DYNC2H1: variants seen among roughly 807,000 people sequenced by gnomAD.
The protein encoded by DYNC2H1 is dynein cytoplasmic 2 heavy chain 1.
A neutral mutation model predicts 570.0 loss-of-function variants in DYNC2H1; 410 were observed. The observed-to-expected ratio is 0.72, with a 90% CI of 0.66 to 0.78. The LOEUF is 0.78. Among genes scored for constraint, DYNC2H1 ranks in the 30% least tolerant of loss-of-function variants. DYNC2H1 has a pLI of 0.00. For synonymous variants in DYNC2H1, 1,688 were observed against 1,677.6 expected (o/e 1.01, Z -0.15); for missense variants, 4,865 against 5,046.4 (o/e 0.96, Z 1.09).
chr11:103,364,326 AT>A (rs34285412), intron 83 of DYNC2H1, among the ~76,000 whole-genome samples: 71,849 of 147,940 alleles, frequency 0.49, 18,732 homozygotes, highest in Admixed American at 0.59. Flanking sequence ...CCTTTTGATG[AT>A]TTTTTTTTTT....
In DYNC2H1 at chr11:103,153,231, TAGAA is replaced by T; in HGVS notation, c.3097-66_3097-63del. 8 of 1,315,856 alleles carry T rather than the reference TAGAA, an allele frequency of 6.1e-6. No homozygotes were observed. In the South Asian group the frequency reaches 9.5e-5, roughly 16 times the overall value. The allele number at this position is 1,315,856 out of a possible 1,614,324, so 81.5% of individuals were successfully genotyped here. ...TTTTTCACTTTTAAATAGAAAATAT[TAGAA>T]AGAAAAGTATGAACCCAAAATGAAA... On this transcript the variant is annotated intron_variant, in intron 21 of 88. Transcript: ENST00000375735.
In DYNC2H1 at chr11:103,149,102, C is replaced by T. The variant is rs568045806; in HGVS notation, c.2946+485C>T. Among the ~76,000 whole-genome samples, 73 of 152,176 alleles carry T rather than the reference C, an allele frequency of 4.8e-4. No individual in the cohort carries two copies. In the Middle Eastern group the frequency reaches 0.024, roughly 50 times the overall value. ...TAAATAAATAAATAGACTTTCGATG[C>T]ACTATTGGTGTAATGAAACAGTAAT... On this transcript the variant is annotated intron_variant, in intron 20 of 88. Coordinates refer to ENST00000375735, the MANE Select transcript of DYNC2H1 (RefSeq NM_001377.3).
chr11:103,167,551 A>C (rs1231260279), intron 31 of DYNC2H1, among the ~76,000 whole-genome samples: 2 of 152,134 alleles, frequency 1.3e-5, no homozygotes, highest in Non-Finnish European at 2.9e-5. Context: ...TACAGGCATG[A>C]GCCTCTTTGC....
chr11:103,353,307 C>CA (rs1167271974), intron 82 of DYNC2H1, among the ~76,000 whole-genome samples: 3 of 152,024 alleles, frequency 2.0e-5, no homozygotes, highest in African/African-American at 7.2e-5. Context: ...ATTTTTTTTA[C>CA]AAAAAATGAT....
chr11:103,199,940 A>C lies in DYNC2H1; in HGVS notation c.8089-106A>C, dbSNP rs1862650127. The C allele has an allele frequency of 7.0e-6, 5 of 714,736 alleles. No individual in the cohort carries two copies. Among genetic ancestry groups the C allele is most frequent in the African/African-American group, 5.6e-5 (3 of 53,282 alleles). 44.3% of individuals were successfully genotyped at this position (714,736 alleles called of 1,614,324 possible). On this transcript the variant is annotated intron_variant, in intron 49 of 88. Coordinates refer to ENST00000375735, the MANE Select transcript of DYNC2H1 (RefSeq NM_001377.3). This position sits in a 1 kb window ranked among gnomAD's most constrained non-coding sequence, Gnocchi z 4.6. ...TATTAAAATGGAAATAAATGAATAA[A>C]TAAACACATGATACTGGCATACTTT...
intron 83 of DYNC2H1, among the ~76,000 whole-genome samples, chr11:103,364,229 T>A (rs1269521532): frequency 6.6e-6 from 1 of 152,062 alleles, no homozygotes; most frequent in Non-Finnish European, 1.5e-5. Context: ...AATTTAAGAA[T>A]CTTAATAAAT....
At chr11:103,172,344 A>G (rs1370307482) in intron 34 of DYNC2H1, among the ~76,000 whole-genome samples, 1 of 152,062 alleles carries the variant, frequency 6.6e-6, no homozygotes, top group African/African-American at 2.4e-5. Flanking sequence ...CTTGTGCTAT[A>G]GCTTCAGTCT....
At chr11:103,370,251 A>G (rs1941092101) in intron 83 of DYNC2H1, among the ~76,000 whole-genome samples, 1 of 152,242 alleles carries the variant, frequency 6.6e-6, no homozygotes. Flanking sequence ...GGGAAGGAAG[A>G]AAGGAGAAGG....
intron 84 of DYNC2H1, among the ~76,000 whole-genome samples, chr11:103,433,990 T>A (rs1315709792): frequency 6.6e-6 from 1 of 152,136 alleles, no homozygotes; most frequent in Non-Finnish European, 1.5e-5. Context: ...ATGTTTCCCG[T>A]TCCTTTATTA....
Position 103,234,040 on chromosome 11 carries a change from G to A in DYNC2H1, c.9447G>A (p.Gln3149=). The stretch of plus-strand genomic sequence containing the variant: ...AATTTTAATGTTTACATAGATTTCA[G>A]AGCAGGACTTCAGAAGCTGCCAAAC... ...QKVSELKEKF[Q]SRTSEAAKLE... Residue 3149 remains glutamine (Q), a synonymous_variant, in exon 61 of 89, where the codon CAG becomes CAA. Coordinates refer to ENST00000375735, the MANE Select transcript of DYNC2H1 (RefSeq NM_001377.3). 6.4e-7 allele frequency: 1 copy of A among 1,554,208 alleles called. No homozygotes were observed. The highest frequency in any genetic ancestry group is 8.7e-7 in the Non-Finnish European group (1 of 1,148,102).
chr11:103,144,023 CAT>C (rs1860108058), intron 18 of DYNC2H1, among the ~76,000 whole-genome samples: 1 of 152,150 alleles, frequency 6.6e-6, no homozygotes, highest in East Asian at 1.9e-4. Context: ...ACTTAGTGCA[CAT>C]TTATAAAATG....
intron 15 of DYNC2H1, among the ~76,000 whole-genome samples, 158 bp from the exon 16 acceptor site, chr11:103,135,337 T>G (rs953727345): frequency 5.9e-5 from 9 of 152,202 alleles, no homozygotes; most frequent in African/African-American, 2.2e-4. Flanking sequence ...AATAAACTTA[T>G]ACGGAGAGTA....
At chr11:103,434,107 A>T (rs183500345) in intron 84 of DYNC2H1, among the ~76,000 whole-genome samples, 1 of 152,176 alleles carries the variant, frequency 6.6e-6, no homozygotes, top group Non-Finnish European at 1.5e-5. Flanking sequence ...GATGTAGCTC[A>T]TGTTTGCAGC....
intron 47 of DYNC2H1, among the ~76,000 whole-genome samples, chr11:103,196,500 A>G (rs1477462703): frequency 6.6e-6 from 1 of 152,166 alleles, no homozygotes; most frequent in Non-Finnish European, 1.5e-5. Flanking sequence ...AGCAATTGGA[A>G]GTACAGGACT....
chr11:103,133,724 A>G lies in DYNC2H1; in HGVS notation c.2106+17A>G. The G allele has an allele frequency of 6.4e-7, 1 of 1,557,814 alleles. No individual in the cohort carries two copies. Among genetic ancestry groups the G allele is most frequent in the South Asian group, 1.2e-5 (1 of 82,686 alleles). ...TGTGAAAAGGTATATTTTGTTTATAAAATTGAATAAGCTATGAATGATATT... is the reference window on the plus strand; with the variant it reads ...TGTGAAAAGGTATATTTTGTTTATAGAATTGAATAAGCTATGAATGATATT... On this transcript the variant is annotated intron_variant, in intron 14 of 88. Coordinates refer to ENST00000375735, the MANE Select transcript of DYNC2H1 (RefSeq NM_001377.3). This position sits in a 1 kb window ranked among gnomAD's most constrained non-coding sequence, Gnocchi z 4.8.
At chr11:103,400,915 GTC>G (rs1565565221) in intron 84 of DYNC2H1, among the ~76,000 whole-genome samples, 1 of 151,926 alleles carries the variant, frequency 6.6e-6, no homozygotes, top group Admixed American at 6.6e-5. Context: ...ATACATTGCC[GTC>G]TCTGTTAATC....
At chr11:103,403,974 TCAGA>T (rs1942754479) in intron 84 of DYNC2H1, 1 of 151,968 alleles carries the variant, frequency 6.6e-6, no homozygotes, top group Non-Finnish European at 1.5e-5. Flanking sequence ...GTGAGATAGT[TCAGA>T]CAGTCTCGAT....
At chr11:103,385,219 G>C (rs748361149) in intron 83 of DYNC2H1, among the ~76,000 whole-genome samples, 4 of 151,910 alleles carry the variant, frequency 2.6e-5, no homozygotes, top group South Asian at 4.2e-4. Flanking sequence ...TAGTGGTGTT[G>C]ATCAGTACTA....
chr11:103,117,986 A>G, intron 6 of DYNC2H1, 123 bp downstream of exon 6: 2 of 774,262 alleles, frequency 2.6e-6, no homozygotes, highest in Non-Finnish European at 1.9e-6. Flanking sequence ...GTGAGAGAAT[A>G]GGAATTAAAG....
Sources: allele counts gnomAD v4.1 joint callset (sites outside exome capture counted in the v4.1 genomes callset), GRCh38; gene constraint gnomAD v4.1.1; non-coding constraint Gnocchi (gnomAD v3.1); transcripts MANE v1.5; gene names NCBI Gene and HGNC (gene_info 2026-07-23, HGNC 2026-07-21).